The following ADGRG6 variants were observed in gnomAD, a reference collection of about 807,000 sequenced individuals.
The protein encoded by ADGRG6 is adhesion G protein-coupled receptor G6.
In ADGRG6, 84 loss-of-function variants were observed where a neutral mutation model predicts 142.4. That is an observed-to-expected ratio of 0.59 (90% CI 0.49 to 0.71). ADGRG6 has a LOEUF of 0.71. ADGRG6 is among the 30% of genes least tolerant of loss of function. The pLI, the probability that ADGRG6 is intolerant of heterozygous loss-of-function variation, is 0.00. For synonymous variants in ADGRG6, 521 were observed against 520.5 expected (o/e 1.00, Z -0.01); for missense variants, 1,367 against 1,466.6 (o/e 0.93, Z 1.11).
chr6:142,344,415 C>G (rs769165018), intron 2 of ADGRG6, among the ~76,000 whole-genome samples: 16 of 151,856 alleles, frequency 1.1e-4, no homozygotes, highest in Non-Finnish European at 2.9e-5. Context: ...ATCATGTCTA[C>G]TTTGTTGTAA....
chr6:142,400,662 C>G, intron 11 of ADGRG6, 66 bp downstream of exon 11: 1 of 800,650 alleles, frequency 1.2e-6, no homozygotes, highest in South Asian at 1.4e-5. Flanking sequence ...GTTATACGTG[C>G]AGCACGGTAG....
At chr6:142,437,636 T>A in intron 23 of ADGRG6, 101 bp downstream of exon 23, 1 of 703,016 alleles carries the variant, frequency 1.4e-6, no homozygotes, top group African/African-American at 1.7e-5. Context: ...GGTAGCAAGC[T>A]ATTGAAGTGG....
At chr6:142,327,495 T>C (rs1282787306) in intron 2 of ADGRG6, among the ~76,000 whole-genome samples, 2 of 152,096 alleles carry the variant, frequency 1.3e-5, no homozygotes, top group Non-Finnish European at 2.9e-5. Flanking sequence ...TTCAATTCAG[T>C]TGGAAGATAA....
At chr6:142,434,399 A>G (rs560819735) in intron 22 of ADGRG6, among the ~76,000 whole-genome samples, 140 of 151,990 alleles carry the variant, frequency 9.2e-4, no homozygotes, top group Admixed American at 2.3e-3. Context: ...ATCTCGGCTC[A>G]CTGCAACCTC....
At chr6:142,406,787 T>G (rs185548934) in intron 15 of ADGRG6, among the ~76,000 whole-genome samples, 203 of 152,322 alleles carry the variant, frequency 1.3e-3, no homozygotes, top group African/African-American at 4.5e-3. Context: ...GCTATAAACA[T>G]GTACAACTGC....
chr6:142,369,537 C>A (rs1781122046), intron 3 of ADGRG6, among the ~76,000 whole-genome samples: 1 of 152,152 alleles, frequency 6.6e-6, no homozygotes, highest in South Asian at 2.1e-4. Flanking sequence ...CTTTACTACT[C>A]AAAAACTGGC....
At chr6:142,420,327 G>C (rs1160913753) in intron 22 of ADGRG6, among the ~76,000 whole-genome samples, 1 of 152,108 alleles carries the variant, frequency 6.6e-6, no homozygotes, top group African/African-American at 2.4e-5. Flanking sequence ...CAAGCACCTA[G>C]AACACTGTAC....
At chr6:142,325,408 C>T (rs919056259) in intron 2 of ADGRG6, among the ~76,000 whole-genome samples, 33 of 152,050 alleles carry the variant, frequency 2.2e-4, no homozygotes, top group Admixed American at 4.6e-4. Context: ...TGAGGCTCCA[C>T]GGTATTAACT....
chr6:142,318,744 A>G (rs1417757954), intron 2 of ADGRG6, among the ~76,000 whole-genome samples: 1 of 151,964 alleles, frequency 6.6e-6, no homozygotes, highest in Non-Finnish European at 1.5e-5. Flanking sequence ...GACAAGGACA[A>G]ATGCACAGAT....
chr6:142,417,960 AC>A (rs1776449679), intron 21 of ADGRG6, among the ~76,000 whole-genome samples: 2 of 152,108 alleles, frequency 1.3e-5, no homozygotes, highest in Admixed American at 1.3e-4. Flanking sequence ...CTGAAATGGG[AC>A]CCATCATGCC....
intron 20 of ADGRG6, among the ~76,000 whole-genome samples, chr6:142,416,923 C>T (rs2294765): frequency 1.3e-5 from 2 of 152,214 alleles, no homozygotes; most frequent in South Asian, 2.1e-4. Context: ...TAAACTCTGC[C>T]AGTCTAACAA....
intron 9 of ADGRG6, 96 bp from the exon 10 acceptor site, chr6:142,397,517 T>C: frequency 9.4e-7 from 1 of 1,064,224 alleles, no homozygotes; most frequent in South Asian, 1.4e-5. Context: ...CAACAGGTGA[T>C]GGTCATCCCT....
chr6:142,318,368 T>A (rs1455455313), intron 2 of ADGRG6, among the ~76,000 whole-genome samples: 2 of 104,726 alleles, frequency 1.9e-5, no homozygotes, highest in East Asian at 2.3e-4. Flanking sequence ...ATAATATTTA[T>A]ATATATTTAT....
intron 18 of ADGRG6, among the ~76,000 whole-genome samples, chr6:142,412,021 T>C (rs1305512492): frequency 1.3e-5 from 2 of 152,128 alleles, no homozygotes; most frequent in Admixed American, 1.3e-4. Flanking sequence ...ATTCTTTCCT[T>C]CCTTCTTCCA....
At chr6:142,320,425 T>G (rs1778456010) in intron 2 of ADGRG6, among the ~76,000 whole-genome samples, 1 of 152,098 alleles carries the variant, frequency 6.6e-6, no homozygotes, top group Non-Finnish European at 1.5e-5. Context: ...TGAAAATAAT[T>G]GCTTTTGATA....
At chr6:142,319,157 C>T (rs997679948) in intron 2 of ADGRG6, among the ~76,000 whole-genome samples, 1 of 152,158 alleles carries the variant, frequency 6.6e-6, no homozygotes, top group Non-Finnish European at 1.5e-5. Context: ...ACAGCCCTGA[C>T]ACACATATTG....
At chr6:142,394,399 A>G (rs1301111992) in intron 9 of ADGRG6, among the ~76,000 whole-genome samples, 2 of 152,160 alleles carry the variant, frequency 1.3e-5, no homozygotes, top group Non-Finnish European at 2.9e-5. Context: ...TAATATTTAT[A>G]TCAGGATCAT....
intron 1 of ADGRG6, among the ~76,000 whole-genome samples, 175 bp from the exon 2 acceptor site, chr6:142,309,369 A>G (rs1777648062): frequency 6.6e-6 from 1 of 151,932 alleles, no homozygotes; most frequent in African/African-American, 2.4e-5. Flanking sequence ...TTTGCTAATT[A>G]GCTTGAAGGA....
At chr6:142,319,056 G>GTT (rs1422958130) in intron 2 of ADGRG6, among the ~76,000 whole-genome samples, 1 of 152,124 alleles carries the variant, frequency 6.6e-6, no homozygotes, top group Non-Finnish European at 1.5e-5. Flanking sequence ...TGAAAAAATT[G>GTT]TTTTTTGTTT....
Sources: gnomAD v4.1 joint callset for allele counts (sites outside exome capture counted in the v4.1 genomes callset) on GRCh38, gnomAD v4.1.1 for gene constraint, MANE v1.5 for transcripts, NCBI Gene and HGNC (gene_info 2026-07-23, HGNC 2026-07-21) for gene names.